The following THAP4 variants were observed in gnomAD, a reference collection of about 807,000 sequenced individuals.
The protein encoded by THAP4 is THAP domain containing 4.
A neutral mutation model predicts 48.1 loss-of-function variants in THAP4; 18 were observed. That is an observed-to-expected ratio of 0.37 (90% CI 0.26 to 0.56). The LOEUF (loss-of-function observed/expected upper bound fraction) is 0.56. Ranked by LOEUF, THAP4 falls within the 20% of genes least tolerant of loss-of-function variation. The pLI is 0.78. For synonymous variants in THAP4, 345 were observed against 324.9 expected (o/e 1.06, Z -0.66); for missense variants, 656 against 774.9 (o/e 0.85, Z 1.82).
intron 2 of THAP4, among the ~76,000 whole-genome samples, chr2:241,613,209 G>A (rs1379651556): frequency 2.0e-5 from 3 of 150,918 alleles, no homozygotes; most frequent in Non-Finnish European, 4.4e-5. Flanking sequence ...GCAGCTGGAT[G>A]TCATCAGGAG....
rs1396122526 is a variant in THAP4 at position 241,601,790 on chromosome 2, G to A, written c.1614+106C>T. 2 of 1,551,936 alleles carry A rather than the reference G, an allele frequency of 1.3e-6. No individual in the cohort carries two copies. The highest frequency in any genetic ancestry group is 1.4e-5 in the African/African-American group (1 of 73,800). ...GGAGACAGTGAAGACAGGCCTGTGA[G>A]ACACAGTGGCAAGACACGCACTACC... On this transcript the variant is annotated intron_variant, in intron 5 of 5. Transcript: ENST00000407315. This position sits in a 1 kb window ranked among gnomAD's most constrained non-coding sequence, Gnocchi z 4.0.
intron 2 of THAP4, among the ~76,000 whole-genome samples, chr2:241,620,313 GGGTGAGTGAGTC>G (rs1342845089): frequency 4.5e-5 from 5 of 110,648 alleles, no homozygotes; most frequent in Admixed American, 8.6e-5. Flanking sequence ...CGTGAGTGAG[GGGTGAGTGAGTC>G]GGTGAGTGAG....
upstream of THAP4, chr2:241,637,526 C>T (rs941901072): frequency 2.8e-6 from 4 of 1,442,512 alleles, no homozygotes; most frequent in African/African-American, 6.0e-5. Flanking sequence ...CCGCAGGGCG[C>T]CCCGGGGCTC....
At chr2:241,593,202 A>G (rs2067007374) in intron 5 of THAP4, among the ~76,000 whole-genome samples, 1 of 152,164 alleles carries the variant, frequency 6.6e-6, no homozygotes, top group African/African-American at 2.4e-5. Flanking sequence ...CCGAGATCGC[A>G]CTGCTGCACT....
chr2:241,602,440 C>A (rs1191639954), intron 4 of THAP4, among the ~76,000 whole-genome samples: 1 of 151,936 alleles, frequency 6.6e-6, no homozygotes, highest in Non-Finnish European at 1.5e-5. Flanking sequence ...TCTTGGCTCA[C>A]CGCAACCTCT....
intron 2 of THAP4, 89 bp downstream of exon 2, chr2:241,632,828 C>T: frequency 9.4e-7 from 1 of 1,065,118 alleles, no homozygotes; most frequent in Non-Finnish European, 1.3e-6. Context: ...GTGACACCTC[C>T]CAGAAATGCT....
chr2:241,636,817 TCCCCCGCGCCCCGG>T (rs1472067480), intron 1 of THAP4, 110 bp downstream of exon 1: 6 of 407,662 alleles, frequency 1.5e-5, no homozygotes, highest in African/African-American at 8.8e-5. Context: ...CCACGCCCGC[TCCCCCGCGCCCCGG>T]CCGCCGAGGC....
chr2:241,631,889 ATTTCT>A (rs574460271), intron 2 of THAP4, among the ~76,000 whole-genome samples: 93 of 149,526 alleles, frequency 6.2e-4, no homozygotes, highest in African/African-American at 2.2e-3. Flanking sequence ...AATGTATTGT[ATTTCT>A]TTTTTTTTTT....
At chr2:241,592,529 A>G (rs952951026) in intron 5 of THAP4, among the ~76,000 whole-genome samples, 1 of 152,114 alleles carries the variant, frequency 6.6e-6, no homozygotes, top group Non-Finnish European at 1.5e-5. Flanking sequence ...TACACAGCTC[A>G]TTGAGGCATT....
chr2:241,633,028 G>T lies in THAP4; in HGVS notation c.1129C>A (p.Arg377=). 6.2e-7 allele frequency: 1 copy of T among 1,613,666 alleles called. No homozygotes were observed. Among genetic ancestry groups the T allele is most frequent in the Non-Finnish European group, 8.5e-7 (1 of 1,179,982 alleles). ...CTGTCGGAGCGGCTGACCCTCTGCCGCAGGCTCTTCAGCTCGCCGTTCTTC... is the reference window on the plus strand; with the variant it reads ...CTGTCGGAGCGGCTGACCCTCTGCCTCAGGCTCTTCAGCTCGCCGTTCTTC... ...EKKNGELKSL[R]QRVSRSDSQV... Residue 377 remains arginine, a synonymous_variant, in exon 2 of 6, where the codon CGG becomes AGG. Transcript: ENST00000407315. The surrounding 1 kb of genome is among the most constrained non-coding windows in gnomAD (Gnocchi z 7.5).
At chr2:241,609,338 A>G (rs1483792533) in intron 2 of THAP4, among the ~76,000 whole-genome samples, 1 of 152,208 alleles carries the variant, frequency 6.6e-6, no homozygotes, top group East Asian at 1.9e-4. Context: ...AATGAGAAGA[A>G]CCTTGGGAGG....
At position 241,608,409 on chromosome 2, in the gene THAP4, A is replaced by G. The variant is rs147025283; in HGVS notation, c.1241-1936T>C. 6.7e-4 allele frequency among the ~76,000 whole-genome samples: 102 copies of G among 152,368 alleles called. 1 individual carries two copies. In the East Asian group the frequency reaches 0.019, roughly 28 times the overall value. On this transcript the variant is annotated intron_variant, in intron 2 of 5. Coordinates refer to ENST00000407315, the MANE Select transcript of THAP4 (RefSeq NM_015963.6). ...GTTTTTCTTAAATGATGATTTAAAA[A>G]TTTTTTATATCAGTATTTCCTCCTC...
chr2:241,623,578 CAAGAAAGAAAAA>C (rs2067460876), intron 2 of THAP4, among the ~76,000 whole-genome samples: 1 of 133,626 alleles, frequency 7.5e-6, no homozygotes, highest in Non-Finnish European at 1.6e-5. Context: ...GACCCTGTCT[CAAGAAAGAAAAA>C]AGGAAAAAAA....
intron 2 of THAP4, among the ~76,000 whole-genome samples, chr2:241,611,344 G>A (rs371381668): frequency 2.6e-4 from 40 of 152,324 alleles, no homozygotes; most frequent in African/African-American, 9.4e-4. Context: ...CCAGGTGTTC[G>A]CCCAGGTGCT....
chr2:241,637,455 C>T (rs1468324327), upstream of THAP4: 1 of 1,470,440 alleles, frequency 6.8e-7, no homozygotes, highest in Non-Finnish European at 9.0e-7. Flanking sequence ...CCACCCATGG[C>T]ACACAGTGTC....
At chr2:241,628,301 C>G (rs1000171341) in intron 2 of THAP4, among the ~76,000 whole-genome samples, 1 of 151,900 alleles carries the variant, frequency 6.6e-6, no homozygotes, top group East Asian at 1.9e-4. Flanking sequence ...CTCGACCCCC[C>G]AAGGCTTCAA....
chr2:241,606,039 A>AAGTACATG (rs564126647), intron 3 of THAP4, among the ~76,000 whole-genome samples: 53 of 152,388 alleles, frequency 3.5e-4, no homozygotes, highest in African/African-American at 1.2e-3. Flanking sequence ...TACATAAATT[A>AAGTACATG]AGTACATGCA....
intron 2 of THAP4, among the ~76,000 whole-genome samples, chr2:241,620,192 GGGTGAGGAGTGAGTGAGGGGTGAGTGAGT>G (rs2125090854): frequency 1.4e-5 from 1 of 73,636 alleles, no homozygotes. Context: ...GGTGAGTGAG[GGGTGAGGAGTGAGTGAGGGGTGAGTGAGT>G]CGGTGAGTGA....
chr2:241,630,536 T>C (rs930375262), intron 2 of THAP4, among the ~76,000 whole-genome samples: 13 of 152,130 alleles, frequency 8.5e-5, no homozygotes, highest in Non-Finnish European at 1.5e-4. Flanking sequence ...CAAGAGAAGC[T>C]GGGAGGCCGA....
Sources: allele counts gnomAD v4.1 joint callset (sites outside exome capture counted in the v4.1 genomes callset), GRCh38; gene constraint gnomAD v4.1.1; non-coding constraint Gnocchi (gnomAD v3.1); transcripts MANE v1.5; gene names NCBI Gene and HGNC (gene_info 2026-07-23, HGNC 2026-07-21).